The following SLC25A33 variants were observed in gnomAD, a reference collection of about 807,000 sequenced individuals.
SLC25A33 encodes the protein bone marrow stromal cell mitochondrial carrier protein.
A neutral mutation model predicts 35.5 loss-of-function variants in SLC25A33; 15 were observed. The ratio of observed to expected loss-of-function variants is 0.42; its 90% CI spans 0.28 to 0.65. The LOEUF (loss-of-function observed/expected upper bound fraction) is 0.65, where lower values mean the gene tolerates loss of function less well. SLC25A33 is among the 30% of genes least tolerant of loss of function. SLC25A33 has a pLI of 0.20. For synonymous variants in SLC25A33, 136 were observed against 148.7 expected (o/e 0.91, Z 0.62); for missense variants, 257 against 398.5 (o/e 0.64, Z 3.02).
chr1:9,541,470 G>C (rs1643081038), intron 1 of SLC25A33, among the ~76,000 whole-genome samples: 3 of 151,902 alleles, frequency 2.0e-5, no homozygotes, highest in South Asian at 2.1e-4. Flanking sequence ...ATTTTTTTGT[G>C]TTTTTGCTAA....
intron 5 of SLC25A33, among the ~76,000 whole-genome samples, chr1:9,579,255 C>A (rs1432490156): frequency 6.6e-6 from 1 of 152,188 alleles, no homozygotes; most frequent in Non-Finnish European, 1.5e-5. Flanking sequence ...CTCTCATTCA[C>A]TTCCGACACT....
chr1:9,542,737 T>C (rs748426967), intron 1 of SLC25A33, among the ~76,000 whole-genome samples: 10 of 152,230 alleles, frequency 6.6e-5, no homozygotes, highest in Non-Finnish European at 1.3e-4. Flanking sequence ...GCATAGCCAT[T>C]GGAAACTATA....
At chr1:9,566,741 G>A (rs531368735) in intron 2 of SLC25A33, among the ~76,000 whole-genome samples, 1 of 152,298 alleles carries the variant, frequency 6.6e-6, no homozygotes, top group Non-Finnish European at 1.5e-5. Flanking sequence ...AGTTACTCGG[G>A]AGGCTGAGGT....
intron 1 of SLC25A33, among the ~76,000 whole-genome samples, chr1:9,552,547 A>G (rs1643280701): frequency 6.6e-6 from 1 of 152,118 alleles, no homozygotes; most frequent in Non-Finnish European, 1.5e-5. Context: ...TAATTAATCA[A>G]ATTTTAAGAA....
chr1:9,580,871 T>A (rs755284854), intron 6 of SLC25A33, among the ~76,000 whole-genome samples: 1,489 of 108,898 alleles, frequency 0.014, 19 homozygotes, highest in African/African-American at 0.04. Context: ...AAAAAAATAA[T>A]AATAATAATA....
chr1:9,575,275 C>T (rs1411086136), intron 5 of SLC25A33, among the ~76,000 whole-genome samples: 2 of 150,132 alleles, frequency 1.3e-5, no homozygotes, highest in Non-Finnish European at 3.0e-5. Flanking sequence ...GAAATGTATG[C>T]ACTGGAAACT....
chr1:9,581,351 T>A (rs1480842654), intron 6 of SLC25A33, among the ~76,000 whole-genome samples: 4 of 152,194 alleles, frequency 2.6e-5, no homozygotes, highest in African/African-American at 9.7e-5. Context: ...TCGTTGAAGG[T>A]ATTGCCATAC....
At chr1:9,562,590 C>A (rs1643438463) in intron 2 of SLC25A33, among the ~76,000 whole-genome samples, 1 of 152,006 alleles carries the variant, frequency 6.6e-6, no homozygotes, top group South Asian at 2.1e-4. Context: ...CACAGTGGCT[C>A]ATGCCTGTAA....
chr1:9,553,203 G>GTTTTTTTTTTT (rs550067186), intron 1 of SLC25A33, among the ~76,000 whole-genome samples: 16 of 56,478 alleles, frequency 2.8e-4, no homozygotes, highest in African/African-American at 3.8e-4. Context: ...TTCTAGTTTT[G>GTTTTTTTTTTT]TTTTTTTTTT....
chr1:9,556,662 A>ATT (rs1643346576), intron 2 of SLC25A33, among the ~76,000 whole-genome samples: 1 of 150,482 alleles, frequency 6.6e-6, no homozygotes, highest in Admixed American at 6.7e-5. Context: ...CCCATAAGAG[A>ATT]TTGTGTGTGT....
chr1:9,572,122 C>A (rs1569871312), intron 4 of SLC25A33, among the ~76,000 whole-genome samples: 1 of 152,140 alleles, frequency 6.6e-6, no homozygotes, highest in Admixed American at 6.6e-5. Context: ...CTTAAAGTTG[C>A]TTTATACAAG....
intron 2 of SLC25A33, among the ~76,000 whole-genome samples, chr1:9,565,377 G>T (rs951402978): frequency 6.6e-6 from 1 of 151,982 alleles, no homozygotes; most frequent in Non-Finnish European, 1.5e-5. Flanking sequence ...TTAGCTGGGC[G>T]TGGTGGTGGG....
At chr1:9,539,834 G>T (rs1030386322) in intron 1 of SLC25A33, 87 bp downstream of exon 1, 796 of 1,183,646 alleles carry the variant, frequency 6.7e-4, no homozygotes, top group Middle Eastern at 9.9e-4. Context: ...CTCCCGCGGC[G>T]GTTACCGGCC....
chr1:9,564,164 A>G (rs1643465795), intron 2 of SLC25A33, among the ~76,000 whole-genome samples: 1 of 152,202 alleles, frequency 6.6e-6, no homozygotes, highest in South Asian at 2.1e-4. Context: ...CAACGTGAAT[A>G]ACTGTGTTGC....
chr1:9,552,161 A>T (rs764068901), intron 1 of SLC25A33, among the ~76,000 whole-genome samples: 1 of 152,212 alleles, frequency 6.6e-6, no homozygotes, highest in African/African-American at 2.4e-5. Context: ...AAAACACAGG[A>T]TTAACTGATT....
chr1:9,573,224 C>CGTA, intron 4 of SLC25A33, 122 bp from the exon 5 acceptor site: 2 of 633,268 alleles, frequency 3.2e-6, no homozygotes, highest in Non-Finnish European at 5.3e-6. Flanking sequence ...ATAACTGCTT[C>CGTA]CTACTGTCTT....
chr1:9,570,791 C>T (rs760697856), intron 4 of SLC25A33, among the ~76,000 whole-genome samples: 4 of 148,032 alleles, frequency 2.7e-5, no homozygotes, highest in Non-Finnish European at 5.9e-5. Flanking sequence ...CGGCTCACTG[C>T]AGCCTCCTCC....
At chr1:9,580,865 A>AAATAAT (rs35059537) in intron 6 of SLC25A33, among the ~76,000 whole-genome samples, 36 of 129,412 alleles carry the variant, frequency 2.8e-4, no homozygotes, top group East Asian at 6.4e-4. Flanking sequence ...AAAAAAAAAA[A>AAATAAT]AATAATAATA....
intron 5 of SLC25A33, among the ~76,000 whole-genome samples, chr1:9,577,767 A>G (rs1168276235): frequency 6.6e-6 from 1 of 152,138 alleles, no homozygotes; most frequent in Non-Finnish European, 1.5e-5. Flanking sequence ...GTTTGGAGAC[A>G]TTTGAAGTTG....
Sources: allele counts gnomAD v4.1 joint callset (sites outside exome capture counted in the v4.1 genomes callset), GRCh38; gene constraint gnomAD v4.1.1; transcripts MANE v1.5; gene names NCBI Gene and HGNC (gene_info 2026-07-23, HGNC 2026-07-21).